Variants in YIPF4 observed in about 807,000 individuals in gnomAD.
YIPF4 encodes protein YIPF4.
A neutral mutation model predicts 29.4 loss-of-function variants in YIPF4; 18 were observed. The ratio of observed to expected loss-of-function variants is 0.61; its 90% CI spans 0.42 to 0.91. The LOEUF is 0.91. Among genes scored for constraint, YIPF4 ranks in the 40% least tolerant of loss-of-function variants. The pLI is 0.00. For synonymous variants in YIPF4, 115 were observed against 104.7 expected, an observed-to-expected ratio of 1.10 and a Z score of -0.60; for missense variants, 279 against 282.7, an observed-to-expected ratio of 0.99 and a Z score of 0.09.
rs1200710314 is a variant in YIPF4 at position 32,293,791 on chromosome 2, T to TGGCC, written c.405+1445_405+1446insCCGG. On this transcript the variant is annotated intron_variant, in intron 3 of 5. Transcript: ENST00000238831. ...CTCCTCACTTCCCAGTAGGGGCGGC[T>TGGCC]GGGCAGAGGCGCCCCTCACCTCCCG... Among the ~76,000 whole-genome samples the TGGCC allele has an allele frequency of 5.4e-4, 73 of 134,316 alleles. 1 individual carries two copies. The highest frequency in any genetic ancestry group is 2.0e-3 in the African/African-American group (70 of 35,108). The allele number at this position is 134,316 out of a possible 152,430, so 88.1% of individuals were successfully genotyped here. A position where few individuals can be genotyped will look rare whatever the true frequency, so the allele number is the denominator to read the frequency against.
Position 32,315,947 on chromosome 2 carries a change from G to A in YIPF4, c.*10321G>A, listed in dbSNP as rs1458969698. On this transcript the variant is annotated 3_prime_UTR_variant, in exon 6 of 6. Coordinates refer to ENST00000238831, the MANE Select transcript of YIPF4 (RefSeq NM_032312.4). ...GTAATCCCAGCTCTCAGGGAGGCAAGAGGCAGGAGCATAGCTTGAGCCCAG... is the reference window on the plus strand; with the variant it reads ...GTAATCCCAGCTCTCAGGGAGGCAAAAGGCAGGAGCATAGCTTGAGCCCAG... 6.7e-6 allele frequency: 1 copy of A among 149,348 alleles called. No individual in the cohort carries two copies. The highest frequency in any genetic ancestry group is 2.5e-5 in the African/African-American group (1 of 40,382). 9.3% of individuals were successfully genotyped at this position (149,348 alleles called of 1,614,324 possible). A position where few individuals can be genotyped will look rare whatever the true frequency, so the allele number is the denominator to read the frequency against.
At chr2:32,291,436 C>G (rs1450460258) in intron 2 of YIPF4, among the ~76,000 whole-genome samples, 5 of 152,062 alleles carry the variant, frequency 3.3e-5, no homozygotes, top group Non-Finnish European at 5.9e-5. Flanking sequence ...CCCAGCTGCT[C>G]GGGTGGCTGA....
chr2:32,292,593 T>C lies in YIPF4; in HGVS notation c.405+245T>C, dbSNP rs13009821. Among the ~76,000 whole-genome samples, 1,157 of 152,226 alleles carry C rather than the reference T, an allele frequency of 7.6e-3. 13 individuals are homozygous for C. Among genetic ancestry groups the C allele is most frequent in the Non-Finnish European group, 0.011 (753 of 68,000 alleles). On this transcript the variant is annotated intron_variant, in intron 3 of 5. Coordinates refer to ENST00000238831, the MANE Select transcript of YIPF4 (RefSeq NM_032312.4). ...TATTAGTATTTGTGGGCGGGTGTGGTGGCTCACGCCTGTAATCCCAGCACT... is the reference window on the plus strand; with the variant it reads ...TATTAGTATTTGTGGGCGGGTGTGGCGGCTCACGCCTGTAATCCCAGCACT...
At chr2:32,278,946 CAT>C (rs1279963342) in intron 1 of YIPF4, among the ~76,000 whole-genome samples, 1 of 152,048 alleles carries the variant, frequency 6.6e-6, no homozygotes, top group Non-Finnish European at 1.5e-5. Flanking sequence ...CTATCCAACT[CAT>C]AACCTGGATA....
At position 32,297,861 on chromosome 2, in the gene YIPF4, G is replaced by A. The variant is rs528168194; in HGVS notation, c.406-373G>A. 5.3e-5 allele frequency among the ~76,000 whole-genome samples: 8 copies of A among 152,154 alleles called. No homozygotes were observed. In the South Asian group the frequency reaches 1.0e-3, roughly 20 times the overall value. ...CATATTCCATTACTTGAATAAATATGTAATCTAAATTTTAAAGACTTCCAG... is the reference window on the plus strand; with the variant it reads ...CATATTCCATTACTTGAATAAATATATAATCTAAATTTTAAAGACTTCCAG... On this transcript the variant is annotated intron_variant, in intron 3 of 5. Coordinates refer to ENST00000238831, the MANE Select transcript of YIPF4 (RefSeq NM_032312.4).
chr2:32,288,851 T>C (rs1173788757), intron 1 of YIPF4, among the ~76,000 whole-genome samples: 1 of 151,450 alleles, frequency 6.6e-6, no homozygotes, highest in Non-Finnish European at 1.5e-5. Context: ...GCACCTGTAA[T>C]CCCAACTCAG....
In YIPF4 at chr2:32,308,428, A is replaced by G. The variant is rs910017278; in HGVS notation, c.*2802A>G. 1 of 152,044 alleles carries G rather than the reference A, an allele frequency of 6.6e-6. No homozygotes were observed. Among genetic ancestry groups the G allele is most frequent in the African/African-American group, 2.4e-5 (1 of 41,434 alleles). The allele number at this position is 152,044 out of a possible 1,614,324, so 9.4% of individuals were successfully genotyped here. A position where few individuals can be genotyped will look rare whatever the true frequency, so the allele number is the denominator to read the frequency against. On this transcript the variant is annotated 3_prime_UTR_variant, in exon 6 of 6. Coordinates refer to ENST00000238831, the MANE Select transcript of YIPF4 (RefSeq NM_032312.4). The stretch of plus-strand genomic sequence containing the variant: ...CAGGCCAGTTCATTAGAATTTTTAA[A>G]ACAGGCTGGGCATGGTGGCTTACGC...
rs1393228409 is a variant in YIPF4, at chr2:32,306,936, T to C, written c.*1310T>C. On this transcript the variant is annotated 3_prime_UTR_variant, in exon 6 of 6. Coordinates refer to ENST00000238831, the MANE Select transcript of YIPF4 (RefSeq NM_032312.4). The stretch of plus-strand genomic sequence containing the variant: ...TACCCATCAGGAAATATCCAGCACC[T>C]CTGAAGCAAACCTACAAATGAGTGT... 1 of 367,232 alleles carries C rather than the reference T, an allele frequency of 2.7e-6. No individual in the cohort carries two copies. The highest frequency in any genetic ancestry group is 5.0e-6 in the Non-Finnish European group (1 of 200,762). The allele number at this position is 367,232 out of a possible 1,614,324, so 22.7% of individuals were successfully genotyped here. A position where few individuals can be genotyped will look rare whatever the true frequency, so the allele number is the denominator to read the frequency against.
chr2:32,279,084 C>G (rs1007039692), intron 1 of YIPF4, among the ~76,000 whole-genome samples: 2 of 151,764 alleles, frequency 1.3e-5, no homozygotes, highest in African/African-American at 4.8e-5. Flanking sequence ...TCTCCTGCCT[C>G]AGCCTCCCGA....
At position 32,278,161 on chromosome 2, in the gene YIPF4, G is replaced by C. The variant is rs1284450373; in HGVS notation, c.6G>C (p.Gln2His). The change falls in exon 1 of 6, where the codon CAG (glutamine) becomes CAC (histidine). Residue 2 changes from glutamine to histidine, a missense_variant. By Grantham distance (24) the Gln-to-His change is conservative. Transcript: ENST00000238831. ...CGGTTGGGAGTCGCCGCGAGATGCA[G>C]CCTCCGGGCCCGCCCCCGGCCTATG... MQPPGPPPAYAP... is the reference protein window; with the variant it reads MHPPGPPPAYAP... 1.3e-6 allele frequency: 2 copies of C among 1,562,034 alleles called. No individual in the cohort carries two copies. The highest frequency in any genetic ancestry group is 1.2e-5 in the South Asian group (1 of 85,112).
chr2:32,302,525 G>A (rs1431191670), intron 5 of YIPF4, among the ~76,000 whole-genome samples: 1 of 152,062 alleles, frequency 6.6e-6, no homozygotes, highest in African/African-American at 2.4e-5. Flanking sequence ...TTTCCGTAGT[G>A]CAGAGATCAG....
intron 3 of YIPF4, among the ~76,000 whole-genome samples, chr2:32,292,794 G>A (rs2030973869): frequency 6.6e-6 from 1 of 150,810 alleles, no homozygotes; most frequent in African/African-American, 2.4e-5. Context: ...AACCCGGGAG[G>A]CCGAGGTTGC....
At chr2:32,290,067 A>G (rs925104182) in intron 1 of YIPF4, among the ~76,000 whole-genome samples, 2 of 152,236 alleles carry the variant, frequency 1.3e-5, no homozygotes, top group Non-Finnish European at 2.9e-5. Context: ...TAGTTTGTAT[A>G]TATACATATG....
intron 1 of YIPF4, among the ~76,000 whole-genome samples, chr2:32,281,071 G>T (rs906565876): frequency 6.6e-6 from 1 of 151,990 alleles, no homozygotes; most frequent in Non-Finnish European, 1.5e-5. Context: ...TAAGAAACCT[G>T]AAATAAGTAA....
intron 5 of YIPF4, among the ~76,000 whole-genome samples, chr2:32,304,659 C>T (rs1016486896): frequency 6.6e-6 from 1 of 152,310 alleles, no homozygotes. Flanking sequence ...TAGCTCCCCA[C>T]AGCCAAGAAG....
intron 1 of YIPF4, among the ~76,000 whole-genome samples, chr2:32,284,425 G>A (rs1377893215): frequency 6.6e-6 from 1 of 152,144 alleles, no homozygotes; most frequent in Non-Finnish European, 1.5e-5. Context: ...GGTGGGAGGT[G>A]ACTGGATCAT....
intron 3 of YIPF4, among the ~76,000 whole-genome samples, chr2:32,294,442 A>G (rs993946109): frequency 1.4e-5 from 2 of 142,534 alleles, no homozygotes; most frequent in Non-Finnish European, 3.0e-5. Flanking sequence ...CGGCGGGGCA[A>G]AGGCGCTCCC....
intron 5 of YIPF4, among the ~76,000 whole-genome samples, chr2:32,303,026 CA>C (rs1324299119): frequency 6.6e-6 from 1 of 152,088 alleles, no homozygotes; most frequent in African/African-American, 2.4e-5. Context: ...TTGTTCTTAA[CA>C]ATGGTAAACT....
intron 1 of YIPF4, among the ~76,000 whole-genome samples, chr2:32,280,950 T>C (rs566110545): frequency 2.6e-4 from 39 of 152,356 alleles, no homozygotes; most frequent in African/African-American, 8.7e-4. Flanking sequence ...CATGTTTCCA[T>C]GTATTTGTTT....
Sources: gnomAD v4.1 joint callset for allele counts (sites outside exome capture counted in the v4.1 genomes callset) on GRCh38, gnomAD v4.1.1 for gene constraint, MANE v1.5 for transcripts, NCBI Gene and HGNC (gene_info 2026-07-23, HGNC 2026-07-21) for gene names.